Variants in DNAH8 observed in about 807,000 individuals in gnomAD.
The protein encoded by DNAH8 is axonemal beta dynein heavy chain 8.
Under a neutral mutation model 562.1 loss-of-function variants are expected in DNAH8, and 382 were observed. That is an observed-to-expected ratio of 0.68 (90% CI 0.63 to 0.74). The LOEUF (loss-of-function observed/expected upper bound fraction) is 0.74. DNAH8 is among the 30% of genes least tolerant of loss of function. The probability of loss-of-function intolerance (pLI) is 0.00; values close to 1 mark genes in which losing one functional copy is unlikely to be tolerated. For missense variants in DNAH8, 5,203 were observed against 5,620.4 expected, an observed-to-expected ratio of 0.93 and a Z score of 2.37; for synonymous variants, 1,881 against 1,919.4, an observed-to-expected ratio of 0.98 and a Z score of 0.52.
intron 42 of DNAH8, among the ~76,000 whole-genome samples, chr6:38,859,934 C>G (rs1425529421): frequency 6.6e-6 from 1 of 152,170 alleles, no homozygotes; most frequent in Non-Finnish European, 1.5e-5. Context: ...CTCATGCTTT[C>G]TCTAGATCCC....
At position 38,723,119 on chromosome 6, in the gene DNAH8, C is replaced by T; in HGVS notation, c.310C>T (p.Pro104Ser). 6.2e-7 allele frequency: 1 copy of T among 1,612,804 alleles called. No homozygotes were observed. Among genetic ancestry groups the T allele is most frequent in the Non-Finnish European group, 8.5e-7 (1 of 1,179,882 alleles). ...QSVISEVLSL[P>S]SSRRSSRYRR... ...AGTGATTTCGGAAGTGCTGTCCTTGCCGTCTTCCCGGAGGTCCTCCAGATA... is the reference window on the plus strand; with the variant it reads ...AGTGATTTCGGAAGTGCTGTCCTTGTCGTCTTCCCGGAGGTCCTCCAGATA... The change falls in exon 2 of 93, where the codon CCG (proline) becomes TCG (serine). Residue 104 changes from proline (P) to serine (S), a missense_variant. This residue lies in a region of DNAH8 where 556 missense variants were observed against 496.9 expected (regional missense o/e 1.12). Coordinates refer to ENST00000327475, the MANE Select transcript of DNAH8 (RefSeq NM_001206927.2).
intron 12 of DNAH8, among the ~76,000 whole-genome samples, chr6:38,771,560 C>A (rs1767578798): frequency 1.3e-5 from 2 of 152,158 alleles, no homozygotes; most frequent in Non-Finnish European, 1.5e-5. Context: ...TCTCTCCTCT[C>A]CCCAGTTTTA....
intron 21 of DNAH8, among the ~76,000 whole-genome samples, chr6:38,802,948 G>A (rs1421499517): frequency 6.6e-6 from 1 of 152,224 alleles, no homozygotes; most frequent in East Asian, 1.9e-4. Flanking sequence ...TTGAGTCAGG[G>A]ATAGGTCAAA....
chr6:38,824,727 A>G (rs1773158248), intron 28 of DNAH8, among the ~76,000 whole-genome samples: 1 of 152,086 alleles, frequency 6.6e-6, no homozygotes, highest in Admixed American at 6.5e-5. Flanking sequence ...GACAGTATCC[A>G]CCTCACGAAA....
chr6:38,734,583 T>C lies in DNAH8; in HGVS notation c.720T>C (p.Arg240=). The part of the protein sequence containing the change: ...KLKGLCIFFV[R]CRNDVAINVK... ...AAGGACTGTGCATATTTTTTGTTCG[T>C]TGCCGTAATGATGTTGCTATAAATG... Residue 240 remains arginine (R), a synonymous_variant, in exon 5 of 93, where the codon CGT becomes CGC. Transcript: ENST00000327475. The C allele has an allele frequency of 6.2e-7, 1 of 1,613,750 alleles. No individual in the cohort carries two copies. The highest frequency in any genetic ancestry group is 8.5e-7 in the Non-Finnish European group (1 of 1,179,980).
At position 38,911,485 on chromosome 6, in the gene DNAH8, A is replaced by C; in HGVS notation, c.9758A>C (p.His3253Pro). The change falls in exon 66 of 93, where the codon CAT becomes CCT. Residue 3253 changes from histidine to proline, a missense_variant. Around this residue, in one of 6 missense-constraint regions of DNAH8, gnomAD observed 977 missense variants for 1,061.8 expected, o/e 0.92. Coordinates refer to ENST00000327475, the MANE Select transcript of DNAH8 (RefSeq NM_001206927.2). ...SYFQRYRRRAHVTPKSYLSFI... is the reference protein window; with the variant it reads ...SYFQRYRRRAPVTPKSYLSFI... Reference sequence around the variant, plus strand: ...GCTTTCAGATACCGCCGAAGAGCACATGTGACTCCCAAATCTTACCTCTCA... The same window carrying C: ...GCTTTCAGATACCGCCGAAGAGCACCTGTGACTCCCAAATCTTACCTCTCA... 1 of 1,613,178 alleles carries C rather than the reference A, an allele frequency of 6.2e-7. No individual in the cohort carries two copies. Among genetic ancestry groups the C allele is most frequent in the African/African-American group, 1.3e-5 (1 of 75,030 alleles).
At chr6:38,980,339 G>A (rs945088441) in intron 85 of DNAH8, among the ~76,000 whole-genome samples, 2 of 152,078 alleles carry the variant, frequency 1.3e-5, no homozygotes, top group African/African-American at 4.8e-5. Context: ...AAAAACCAAG[G>A]CAACATGAAT....
Position 38,883,364 on chromosome 6 carries a change from A to G in DNAH8, c.8044A>G (p.Met2682Val). The G allele has an allele frequency of 6.2e-7, 1 of 1,613,076 alleles. No homozygotes were observed. Among genetic ancestry groups the G allele is most frequent in the Non-Finnish European group, 8.5e-7 (1 of 1,179,480 alleles). ...TGEQGTAKTV[M>V]VKAYLKKYDP... ...AGAGCAGGGAACTGCAAAAACTGTC[A>G]TGGTTAAGGCCTATTTGAAAAAATA... The change falls in exon 55 of 93, where the codon ATG becomes GTG. Residue 2682 changes from methionine to valine, a missense_variant. Physicochemically the swap from Met to Val is conservative, Grantham distance 21 (BLOSUM62 1). Around this residue, in one of 6 missense-constraint regions of DNAH8, gnomAD observed 977 missense variants for 1,061.8 expected, o/e 0.92. Coordinates refer to ENST00000327475, the MANE Select transcript of DNAH8 (RefSeq NM_001206927.2).
At chr6:38,716,311 C>T (rs1416055286) in intron 1 of DNAH8, among the ~76,000 whole-genome samples, 1 of 151,950 alleles carries the variant, frequency 6.6e-6, no homozygotes, top group Non-Finnish European at 1.5e-5. Flanking sequence ...AAAAATGCCT[C>T]TCCCTCCGGC....
intron 52 of DNAH8, among the ~76,000 whole-genome samples, chr6:38,873,657 T>C (rs181389985): frequency 1.5e-4 from 23 of 152,000 alleles, no homozygotes; most frequent in African/African-American, 4.8e-5. Flanking sequence ...AAAGTGTGTA[T>C]AATAATGACA....
At chr6:38,897,503 A>G (rs949800206) in intron 60 of DNAH8, among the ~76,000 whole-genome samples, 13 of 152,268 alleles carry the variant, frequency 8.5e-5, no homozygotes, top group African/African-American at 3.1e-4. Context: ...TAACATGATA[A>G]AACTTTACTT....
Position 38,894,882 on chromosome 6 carries a change from A to G in DNAH8, c.8747+18A>G, listed in dbSNP as rs1779574463. The G allele has an allele frequency of 1.0e-5, 16 of 1,606,712 alleles. No homozygotes were observed. Among genetic ancestry groups the G allele is most frequent in the East Asian group, 2.2e-5 (1 of 44,684 alleles). On this transcript the variant is annotated intron_variant, in intron 59 of 92. Coordinates refer to ENST00000327475, the MANE Select transcript of DNAH8 (RefSeq NM_001206927.2). ...GCAGACAGGTGCGTGTTGCGGCACTAGAGTTTAAATGTATGACCTGAGAAG... is the reference window on the plus strand; with the variant it reads ...GCAGACAGGTGCGTGTTGCGGCACTGGAGTTTAAATGTATGACCTGAGAAG...
chr6:38,867,774 A>C (rs1777164567), intron 47 of DNAH8, among the ~76,000 whole-genome samples: 1 of 147,326 alleles, frequency 6.8e-6, no homozygotes, highest in South Asian at 2.2e-4. Context: ...AAAAAAAAAC[A>C]AAAAAGAAAC....
At chr6:38,980,751 CTAT>C (rs35242992) in intron 85 of DNAH8, among the ~76,000 whole-genome samples, 21,844 of 151,620 alleles carry the variant, frequency 0.14, 2,099 homozygotes, top group East Asian at 0.51. Flanking sequence ...AGAGCTACTC[CTAT>C]TATTATTATT....
At chr6:38,816,192 C>A (rs1188422447) in intron 26 of DNAH8, among the ~76,000 whole-genome samples, 1 of 152,064 alleles carries the variant, frequency 6.6e-6, no homozygotes, top group Non-Finnish European at 1.5e-5. Context: ...AGGTGTTAAG[C>A]AAGCATGCAT....
chr6:38,961,236 T>C (rs1409684349), intron 82 of DNAH8, among the ~76,000 whole-genome samples: 1 of 151,988 alleles, frequency 6.6e-6, no homozygotes, highest in Non-Finnish European at 1.5e-5. Flanking sequence ...AAGTGAATAG[T>C]TAACCATAAT....
intron 47 of DNAH8, among the ~76,000 whole-genome samples, chr6:38,867,605 T>C (rs1314421487): frequency 6.7e-6 from 1 of 149,244 alleles, no homozygotes; most frequent in Non-Finnish European, 1.5e-5. Flanking sequence ...AAAAAAAAAT[T>C]AGCCAGGCGT....
At chr6:38,790,526 TAA>T in intron 20 of DNAH8, 121 bp downstream of exon 20, 1 of 524,236 alleles carries the variant, frequency 1.9e-6, no homozygotes, top group Non-Finnish European at 3.3e-6. Flanking sequence ...CCGTTAGGTT[TAA>T]AATATCATGT....
chr6:38,941,788 C>G (rs1438490583), intron 79 of DNAH8, among the ~76,000 whole-genome samples: 1 of 152,128 alleles, frequency 6.6e-6, no homozygotes, highest in Non-Finnish European at 1.5e-5. Context: ...GTGCTGAAAT[C>G]CAGGCAGCAG....
Sources: gnomAD v4.1 joint callset for allele counts (sites outside exome capture counted in the v4.1 genomes callset) on GRCh38, gnomAD v4.1.1 for gene constraint, gnomAD v4.1.1 regional missense constraint, MANE v1.5 for transcripts, NCBI Gene and HGNC (gene_info 2026-07-23, HGNC 2026-07-21) for gene names.